AGBL4: variants seen among roughly 807,000 people sequenced by gnomAD.
AGBL4 encodes cytosolic carboxypeptidase 6.
Under a neutral mutation model 66.4 loss-of-function variants are expected in AGBL4, and 58 were observed. The ratio of observed to expected loss-of-function variants is 0.87; its 90% CI spans 0.71 to 1.09. The LOEUF (loss-of-function observed/expected upper bound fraction) is 1.09. Ranked by LOEUF, AGBL4 falls within the 50% of genes least tolerant of loss-of-function variation. The pLI, the probability that AGBL4 is intolerant of heterozygous loss-of-function variation, is 0.00. For synonymous variants in AGBL4, 234 were observed against 222.9 expected (o/e 1.05, Z -0.44); for missense variants, 579 against 631.0 (o/e 0.92, Z 0.88).
chr1:48,770,656 T>C (rs1478905159), intron 6 of AGBL4, among the ~76,000 whole-genome samples: 1 of 152,198 alleles, frequency 6.6e-6, no homozygotes, highest in African/African-American at 2.4e-5. Flanking sequence ...TCCACCCAGA[T>C]GTTCCATGGG....
intron 4 of AGBL4, among the ~76,000 whole-genome samples, chr1:49,085,316 C>T (rs538189617): frequency 2.3e-4 from 35 of 151,820 alleles, no homozygotes; most frequent in African/African-American, 8.5e-4. Flanking sequence ...CATTCTCTTG[C>T]CCCAATTCTC....
chr1:49,444,520 T>C (rs1406243911), intron 3 of AGBL4, among the ~76,000 whole-genome samples: 2 of 152,148 alleles, frequency 1.3e-5, no homozygotes, highest in Admixed American at 1.3e-4. Flanking sequence ...TTTATCATTA[T>C]GTAATAACCT....
chr1:48,672,262 G>A (rs76495727), intron 6 of AGBL4, among the ~76,000 whole-genome samples: 3,323 of 152,320 alleles, frequency 0.022, 131 homozygotes, highest in African/African-American at 0.077. Context: ...GCAGGCACTG[G>A]GATGCTAAGA....
intron 5 of AGBL4, among the ~76,000 whole-genome samples, chr1:48,909,368 C>T (rs1340075308): frequency 1.3e-5 from 2 of 152,176 alleles, no homozygotes; most frequent in African/African-American, 2.4e-5. Flanking sequence ...GCAAACTCTC[C>T]TCCCATCTGT....
chr1:49,204,640 T>C (rs1266266992), intron 4 of AGBL4, among the ~76,000 whole-genome samples: 1 of 152,118 alleles, frequency 6.6e-6, no homozygotes, highest in African/African-American at 2.4e-5. Flanking sequence ...TCATGTTTGA[T>C]ACTTCATAAT....
intron 3 of AGBL4, among the ~76,000 whole-genome samples, chr1:49,650,776 C>T (rs1216995702): frequency 2.0e-5 from 3 of 152,170 alleles, no homozygotes; most frequent in Non-Finnish European, 4.4e-5. Context: ...GAAATGTGAA[C>T]GCAGTCCCTA....
At chr1:49,874,982 CA>C (rs1429953157) in intron 1 of AGBL4, among the ~76,000 whole-genome samples, 4 of 104,510 alleles carry the variant, frequency 3.8e-5, no homozygotes, top group Non-Finnish European at 7.8e-5. Context: ...CCCCTCCCCC[CA>C]CCCCACAACA....
At chr1:48,630,851 A>G (rs1209143764) in intron 9 of AGBL4, among the ~76,000 whole-genome samples, 1 of 152,126 alleles carries the variant, frequency 6.6e-6, no homozygotes, top group Non-Finnish European at 1.5e-5. Flanking sequence ...ACACCCTCTC[A>G]GGGCAGGTGC....
At chr1:48,760,861 T>C (rs1274111696) in intron 6 of AGBL4, among the ~76,000 whole-genome samples, 1 of 152,090 alleles carries the variant, frequency 6.6e-6, no homozygotes, top group Non-Finnish European at 1.5e-5. Context: ...AGCAAGAAAA[T>C]GCAACCTCAT....
In AGBL4 at chr1:49,940,395, T is replaced by C. The variant is rs527851161; in HGVS notation, c.34+83368A>G. ...TAAATCATGCTGCTATAAAGACACA[T>C]GCACACATATGTTTATTGCGGCATT... On this transcript the variant is annotated intron_variant, in intron 1 of 13. Transcript: ENST00000371839. Among the ~76,000 whole-genome samples, 202 of 152,266 alleles carry C rather than the reference T, an allele frequency of 1.3e-3. 6 individuals carry two copies. In the East Asian group the frequency reaches 0.031, roughly 23 times the overall value.
At chr1:49,861,782 C>T (rs911611811) in intron 1 of AGBL4, among the ~76,000 whole-genome samples, 4 of 152,164 alleles carry the variant, frequency 2.6e-5, no homozygotes, top group South Asian at 2.1e-4. Flanking sequence ...TTCTCCAAGA[C>T]GATCAAGGTG....
chr1:48,544,314 G>A (rs1644124603), intron 11 of AGBL4, among the ~76,000 whole-genome samples: 1 of 152,242 alleles, frequency 6.6e-6, no homozygotes, highest in East Asian at 1.9e-4. Context: ...TGCGCCAGCA[G>A]TAAGAGCTAC....
chr1:49,019,249 C>G (rs1663059605), intron 5 of AGBL4, among the ~76,000 whole-genome samples: 5 of 152,102 alleles, frequency 3.3e-5, no homozygotes, highest in Admixed American at 2.6e-4. Flanking sequence ...AAAATTCTGT[C>G]CTGAAGAGAC....
chr1:48,700,121 C>T (rs948364898), intron 6 of AGBL4, among the ~76,000 whole-genome samples: 3 of 152,146 alleles, frequency 2.0e-5, no homozygotes, highest in African/African-American at 7.2e-5. Context: ...TTCCCTTCCC[C>T]TTGCCTCCAC....
chr1:48,594,470 T>C (rs922877476), intron 9 of AGBL4, among the ~76,000 whole-genome samples: 22 of 152,262 alleles, frequency 1.4e-4, no homozygotes, highest in Non-Finnish European at 2.4e-4. Context: ...CTATGTATTA[T>C]AGAAATTAAC....
chr1:48,627,860 T>C (rs2148406070), intron 9 of AGBL4, among the ~76,000 whole-genome samples: 1 of 152,202 alleles, frequency 6.6e-6, no homozygotes, highest in East Asian at 1.9e-4. Flanking sequence ...GGAAACCCAT[T>C]CACCTCCCCA....
At chr1:49,536,637 T>C (rs1256691931) in intron 3 of AGBL4, among the ~76,000 whole-genome samples, 1 of 152,200 alleles carries the variant, frequency 6.6e-6, no homozygotes. Flanking sequence ...GGCATCATAT[T>C]ATGTAACTTC....
intron 3 of AGBL4, among the ~76,000 whole-genome samples, chr1:49,336,021 A>G (rs1370047080): frequency 6.6e-6 from 1 of 151,972 alleles, no homozygotes; most frequent in Non-Finnish European, 1.5e-5. Context: ...GATATATACA[A>G]TATTTATTTA....
chr1:49,525,810 G>C (rs914465189), intron 3 of AGBL4, among the ~76,000 whole-genome samples: 2 of 151,904 alleles, frequency 1.3e-5, no homozygotes, highest in Non-Finnish European at 2.9e-5. Flanking sequence ...CCTCTGCACC[G>C]GGCACAGTGG....
Sources: gnomAD v4.1 joint callset for allele counts (sites outside exome capture counted in the v4.1 genomes callset) on GRCh38, gnomAD v4.1.1 for gene constraint, MANE v1.5 for transcripts, NCBI Gene and HGNC (gene_info 2026-07-23, HGNC 2026-07-21) for gene names.